NPEPPS: variants seen among roughly 807,000 people sequenced by gnomAD.
NPEPPS encodes the protein aminopeptidase puromycin sensitive.
In NPEPPS, 14 loss-of-function variants were observed where a neutral mutation model predicts 115.5. The observed-to-expected ratio is 0.12, with a 90% CI of 0.08 to 0.19. The LOEUF (loss-of-function observed/expected upper bound fraction) is 0.19. NPEPPS is among the 10% of genes least tolerant of loss of function. The probability of loss-of-function intolerance (pLI) is 1.00; values close to 1 mark genes in which losing one functional copy is unlikely to be tolerated. For missense variants in NPEPPS, 523 were observed against 1,110.8 expected (o/e 0.47, Z 7.52); for synonymous variants, 285 against 390.6 (o/e 0.73, Z 3.19).
chr17:47,555,153 C>A, intron 2 of NPEPPS, among the ~76,000 whole-genome samples: 1 of 152,124 alleles, frequency 6.6e-6, no homozygotes, highest in South Asian at 2.1e-4. Flanking sequence ...ATTTTGTTAC[C>A]AGCTTTAACT....
intron 12 of NPEPPS, among the ~76,000 whole-genome samples, chr17:47,594,635 TGTTATGTTA>T (rs1912741840): frequency 6.6e-6 from 1 of 151,046 alleles, no homozygotes; most frequent in African/African-American, 2.4e-5. Context: ...TGTTATGTTA[TGTTATGTTA>T]TTTTTTGAGA....
At chr17:47,538,003 C>T (rs1202779806) in intron 1 of NPEPPS, among the ~76,000 whole-genome samples, 1 of 149,686 alleles carries the variant, frequency 6.7e-6, no homozygotes, top group African/African-American at 2.5e-5. Flanking sequence ...AGGCAGTTCT[C>T]CTGCTTCAGC....
chr17:47,537,002 C>T (rs143600239), intron 1 of NPEPPS, among the ~76,000 whole-genome samples: 6,725 of 152,086 alleles, frequency 0.044, 221 homozygotes, highest in Middle Eastern at 0.16. Flanking sequence ...CATGAGCCAC[C>T]GTGCCTGGCC....
chr17:47,600,996 G>A (rs142654880), intron 14 of NPEPPS, among the ~76,000 whole-genome samples: 1 of 152,264 alleles, frequency 6.6e-6, no homozygotes, highest in East Asian at 1.9e-4. Flanking sequence ...GCTGAGGCGT[G>A]TGGATCCCTT....
chr17:47,566,607 C>G (rs1910835183), intron 2 of NPEPPS, among the ~76,000 whole-genome samples: 1 of 150,600 alleles, frequency 6.6e-6, no homozygotes, highest in Non-Finnish European at 1.5e-5. Context: ...TCAAGTGATT[C>G]TCCTGCCTCA....
At chr17:47,547,948 C>G (rs907098311) in intron 2 of NPEPPS, among the ~76,000 whole-genome samples, 1 of 152,176 alleles carries the variant, frequency 6.6e-6, no homozygotes, top group African/African-American at 2.4e-5. Context: ...ATGGCGTGAA[C>G]CCGGGAGGCA....
rs1398108021 is a variant in NPEPPS at position 47,545,895 on chromosome 17, C to T, written c.256-14C>T. The T allele has an allele frequency of 2.0e-6, 3 of 1,524,682 alleles. No individual in the cohort carries two copies. The highest frequency in any genetic ancestry group is 2.5e-5 in the South Asian group (2 of 80,266). The allele number at this position is 1,524,682 out of a possible 1,614,324, so 94.4% of individuals were successfully genotyped here. ...GGCTATTTCTGACACTGTTGATTTTCCTTTTCCCCTTAGGTGAGGCAGGCG... is the reference window on the plus strand; with the variant it reads ...GGCTATTTCTGACACTGTTGATTTTTCTTTTCCCCTTAGGTGAGGCAGGCG... On this transcript the variant is annotated splice_polypyrimidine_tract_variant and intron_variant, in intron 1 of 22. Coordinates refer to ENST00000322157, the MANE Select transcript of NPEPPS (RefSeq NM_006310.4).
intron 1 of NPEPPS, among the ~76,000 whole-genome samples, chr17:47,535,214 G>A (rs1908124399): frequency 9.1e-6 from 1 of 110,328 alleles, no homozygotes; most frequent in Admixed American, 1.2e-4. Flanking sequence ...CTGCACTCCA[G>A]CCTGGGCAAC....
chr17:47,613,074 CCTCTT>C (rs1913976010), intron 18 of NPEPPS, among the ~76,000 whole-genome samples: 2 of 151,826 alleles, frequency 1.3e-5, no homozygotes, highest in Non-Finnish European at 2.9e-5. Flanking sequence ...GGTTTATAGT[CCTCTT>C]CTTATTTGTT....
intron 22 of NPEPPS, 118 bp from the exon 23 acceptor site, chr17:47,621,649 AT>A (rs1914580770): frequency 1.0e-6 from 1 of 980,090 alleles, no homozygotes; most frequent in African/African-American, 1.6e-5. Flanking sequence ...GCAGTGGTAA[AT>A]TCTCATGCCT....
chr17:47,616,718 G>A (rs1297526939), intron 19 of NPEPPS, among the ~76,000 whole-genome samples: 1 of 149,162 alleles, frequency 6.7e-6, no homozygotes, highest in African/African-American at 2.5e-5. Flanking sequence ...TTAGCTAGGC[G>A]TGGTTGTAGT....
intron 1 of NPEPPS, among the ~76,000 whole-genome samples, chr17:47,539,462 C>T (rs989995658): frequency 3.3e-5 from 5 of 152,066 alleles, no homozygotes; most frequent in African/African-American, 1.2e-4. Flanking sequence ...AAGAAAGTCA[C>T]ACACTATGAG....
Position 47,579,606 on chromosome 17 carries a change from G to T in NPEPPS, c.540+95G>T, listed in dbSNP as rs998521531. The T allele has an allele frequency of 5.8e-6, 8 of 1,384,846 alleles. No homozygotes were observed. The African/African-American group carries it at 1.2e-4, about 20-fold the overall frequency. The allele number at this position is 1,384,846 out of a possible 1,614,324, so 85.8% of individuals were successfully genotyped here. A position where few individuals can be genotyped will look rare whatever the true frequency, so the allele number is the denominator to read the frequency against. On this transcript the variant is annotated intron_variant, in intron 4 of 22. Transcript: ENST00000322157. The stretch of plus-strand genomic sequence containing the variant: ...ATGTGGGGTGATTATTTGAGGCTAG[G>T]TGCCCTTGGCCATGATTGTATTCAC...
At chr17:47,569,614 GC>G in intron 3 of NPEPPS, 120 bp downstream of exon 3, 1 of 587,424 alleles carries the variant, frequency 1.7e-6, no homozygotes, top group South Asian at 2.2e-5. Context: ...AGTATTAAGA[GC>G]TTTTTTTTTT....
intron 2 of NPEPPS, among the ~76,000 whole-genome samples, chr17:47,557,140 G>A (rs946008347): frequency 1.3e-5 from 2 of 151,838 alleles, no homozygotes; most frequent in Admixed American, 6.6e-5. Context: ...GTGCAGTGAC[G>A]TGATCTTGGC....
intron 14 of NPEPPS, among the ~76,000 whole-genome samples, chr17:47,600,495 C>T (rs1033449887): frequency 1.3e-5 from 2 of 152,114 alleles, no homozygotes; most frequent in African/African-American, 2.4e-5. Context: ...TAAATCTGTA[C>T]GTGTCACAGT....
At chr17:47,571,223 G>A (rs1911170992) in intron 3 of NPEPPS, among the ~76,000 whole-genome samples, 1 of 152,014 alleles carries the variant, frequency 6.6e-6, no homozygotes, top group African/African-American at 2.4e-5. Context: ...TCTCTAAATG[G>A]CACAAGTAAA....
chr17:47,539,648 A>G (rs953465923), intron 1 of NPEPPS, among the ~76,000 whole-genome samples: 3 of 152,122 alleles, frequency 2.0e-5, no homozygotes, highest in Non-Finnish European at 2.9e-5. Context: ...ATTCCTATGT[A>G]TAGTTTAAAA....
At chr17:47,579,770 C>G (rs1911751148) in intron 4 of NPEPPS, 1 of 285,790 alleles carries the variant, frequency 3.5e-6, no homozygotes, top group Non-Finnish European at 6.9e-6. Context: ...CCTGAATTGC[C>G]TATATACTGT....
Sources: allele counts gnomAD v4.1 joint callset (sites outside exome capture counted in the v4.1 genomes callset), GRCh38; gene constraint gnomAD v4.1.1; transcripts MANE v1.5; gene names NCBI Gene and HGNC (gene_info 2026-07-23, HGNC 2026-07-21).